Variants in RIN2 observed in about 807,000 individuals in gnomAD.
RIN2 encodes RAB5 interacting protein 2.
Under a neutral mutation model 78.0 loss-of-function variants are expected in RIN2, and 36 were observed. The ratio of observed to expected loss-of-function variants is 0.46; its 90% CI spans 0.35 to 0.61. RIN2 has a LOEUF of 0.61. Ranked by LOEUF, RIN2 falls within the 20% of genes least tolerant of loss-of-function variation. The probability of loss-of-function intolerance (pLI) is 0.00; values close to 1 mark genes in which losing one functional copy is unlikely to be tolerated. For missense variants in RIN2, 1,087 were observed against 1,159.7 expected, an observed-to-expected ratio of 0.94 and a Z score of 0.91; for synonymous variants, 466 against 466.8, an observed-to-expected ratio of 1.00 and a Z score of 0.02.
chr20:19,879,583 C>A (rs577478190), intron 2 of RIN2, among the ~76,000 whole-genome samples: 194 of 152,286 alleles, frequency 1.3e-3, no homozygotes, highest in African/African-American at 4.3e-3. Context: ...GGCTCTAATC[C>A]TACAACACAT....
At chr20:19,896,375 A>G (rs2038725494) in intron 3 of RIN2, among the ~76,000 whole-genome samples, 1 of 152,132 alleles carries the variant, frequency 6.6e-6, no homozygotes, top group Non-Finnish European at 1.5e-5. Context: ...TTTTTAGTAG[A>G]GGCGGGGTTT....
At chr20:19,834,963 GAGAGAA>G (rs1008357681) in intron 2 of RIN2, among the ~76,000 whole-genome samples, 10 of 149,174 alleles carry the variant, frequency 6.7e-5, no homozygotes, top group Admixed American at 2.0e-4. Context: ...GAGAGAGAGA[GAGAGAA>G]AGAAAGAAAG....
At chr20:19,983,541 C>CAA (rs11480055) in intron 9 of RIN2, among the ~76,000 whole-genome samples, 23 of 151,382 alleles carry the variant, frequency 1.5e-4, no homozygotes, top group African/African-American at 4.1e-4. Flanking sequence ...GACTTCCCTA[C>CAA]AAAAAAAAGG....
chr20:19,946,926 G>A (rs963376113), intron 4 of RIN2, among the ~76,000 whole-genome samples: 3 of 151,458 alleles, frequency 2.0e-5, no homozygotes, highest in Non-Finnish European at 4.4e-5. Flanking sequence ...AGCTACTCAG[G>A]AGGCTGAGGC....
At chr20:19,844,614 T>G (rs1353267761) in intron 2 of RIN2, among the ~76,000 whole-genome samples, 36 of 62,504 alleles carry the variant, frequency 5.8e-4, no homozygotes, top group African/African-American at 2.0e-3. Flanking sequence ...TTCTTCTTCT[T>G]CTTCTTCTTC....
Position 20,001,052 on chromosome 20 carries a change from G to A in RIN2, c.*116G>A. ...ACCTCCTCGGGGACCCCTCAGTGTA[G>A]TGACTAAGCCATCCACAGGCCAACT... On this transcript the variant is annotated 3_prime_UTR_variant, in exon 13 of 13. Transcript: ENST00000255006. The A allele has an allele frequency of 1.0e-6, 1 of 981,172 alleles. No individual in the cohort carries two copies. Among genetic ancestry groups the A allele is most frequent in the Non-Finnish European group, 1.5e-6 (1 of 682,096 alleles). The allele number at this position is 981,172 out of a possible 1,614,324, so 60.8% of individuals were successfully genotyped here.
At chr20:19,881,454 A>T (rs888562530) in intron 2 of RIN2, among the ~76,000 whole-genome samples, 1 of 152,258 alleles carries the variant, frequency 6.6e-6, no homozygotes, top group Non-Finnish European at 1.5e-5. Flanking sequence ...GCAAATTAGT[A>T]CATGAGATTC....
At position 19,975,751 on chromosome 20, in the gene RIN2, C is replaced by A. The variant is rs777337752; in HGVS notation, c.1726C>A (p.Pro576Thr). The A allele has an allele frequency of 2.5e-5, 40 of 1,612,254 alleles. No homozygotes were observed. The highest frequency in any genetic ancestry group is 1.7e-4 in the Middle Eastern group (1 of 6,058). ...NYLSQSSELD[P>T]PIESLIPEDQ... ...TTTGTCTCAGAGCTCGGAGCTGGAC[C>A]CCCCCATCGAGTCGCTGATCCCTGA... The change falls in exon 9 of 13, where the codon CCC becomes ACC. Residue 576 changes from proline (P) to threonine (T), a missense_variant. Physicochemically the swap from Pro to Thr is conservative, Grantham distance 38. This residue lies in a region of RIN2 where 39 missense variants were observed against 34.9 expected (regional missense o/e 1.12). Transcript: ENST00000255006. The surrounding 1 kb of genome is among the most constrained non-coding windows in gnomAD (Gnocchi z 4.9).
At chr20:19,997,169 G>T (rs1297247031) in intron 12 of RIN2, among the ~76,000 whole-genome samples, 1 of 152,178 alleles carries the variant, frequency 6.6e-6, no homozygotes, top group African/African-American at 2.4e-5. Flanking sequence ...GGAAACAGCC[G>T]CTGTGTTACG....
chr20:19,758,589 C>T (rs1289965706), intron 1 of RIN2, among the ~76,000 whole-genome samples: 1 of 152,120 alleles, frequency 6.6e-6, no homozygotes, highest in Admixed American at 6.5e-5. Context: ...CCGCTGGTCC[C>T]GGCAGGGTCA....
chr20:19,923,041 T>C lies in RIN2; in HGVS notation c.58-12058T>C, dbSNP rs146733494. Among the ~76,000 whole-genome samples, 79 of 152,318 alleles carry C rather than the reference T, an allele frequency of 5.2e-4. No individual in the cohort carries two copies. In the East Asian group the frequency reaches 0.013, roughly 25 times the overall value. ...AGGAAATTTAAGGGGTCAGATTATT[T>C]ACTCAAGGACACACTGCTTAGAGCA... is the stretch of plus-strand genomic sequence containing the variant. On this transcript the variant is annotated intron_variant, in intron 3 of 12. Coordinates refer to ENST00000255006, the MANE Select transcript of RIN2 (RefSeq NM_018993.4).
In RIN2 at chr20:19,990,364, C is replaced by G. The variant is rs901788034; in HGVS notation, c.2068+53C>G. 5 of 1,528,386 alleles carry G rather than the reference C, an allele frequency of 3.3e-6. No individual in the cohort carries two copies. In the African/African-American group the frequency reaches 4.1e-5, roughly 13 times the overall value. The allele number at this position is 1,528,386 out of a possible 1,614,324, so 94.7% of individuals were successfully genotyped here. On this transcript the variant is annotated intron_variant, in intron 10 of 12. Coordinates refer to ENST00000255006, the MANE Select transcript of RIN2 (RefSeq NM_018993.4). ...TGCCGCTTCCCTTCCGGGCCGGGGACAGGCCTCTCTCCTGTCAGGCTTTCT... is the reference window on the plus strand; with the variant it reads ...TGCCGCTTCCCTTCCGGGCCGGGGAGAGGCCTCTCTCCTGTCAGGCTTTCT...
chr20:19,779,981 G>T (rs1225763554), intron 1 of RIN2, among the ~76,000 whole-genome samples: 1 of 152,092 alleles, frequency 6.6e-6, no homozygotes, highest in Non-Finnish European at 1.5e-5. Flanking sequence ...TTTCCTTTCT[G>T]CTAGCACCTC....
chr20:19,925,097 GAAAAAA>G (rs11476905), intron 3 of RIN2, among the ~76,000 whole-genome samples: 1 of 133,502 alleles, frequency 7.5e-6, no homozygotes, highest in Non-Finnish European at 1.6e-5. Flanking sequence ...TAAATTTGTG[GAAAAAA>G]AAAAAAAAAA....
chr20:19,888,186 A>C (rs1434886759), intron 2 of RIN2, among the ~76,000 whole-genome samples: 1 of 152,208 alleles, frequency 6.6e-6, no homozygotes, highest in Non-Finnish European at 1.5e-5. Context: ...AGCACGGAGC[A>C]CTGACACAAA....
rs747985689 is a variant in RIN2 at position 19,974,996 on chromosome 20, G to A, written c.971G>A (p.Arg324Gln). ...ATTAATAGTCTCCACACAAGCCCTCGGCTGGCCAGGACTGAAACCCAGACG... is the reference window on the plus strand; with the variant it reads ...ATTAATAGTCTCCACACAAGCCCTCAGCTGGCCAGGACTGAAACCCAGACG... ...PAINSLHTSP[R>Q]LARTETQTSM... The change falls in exon 9 of 13, where the codon CGG (arginine) becomes CAG (glutamine). Residue 324 changes from arginine to glutamine, a missense_variant. Physicochemically the swap from Arg to Gln is conservative, Grantham distance 43. Transcript: ENST00000255006. The A allele has an allele frequency of 1.3e-6, 2 of 1,484,346 alleles. No individual in the cohort carries two copies. Among genetic ancestry groups the A allele is most frequent in the Non-Finnish European group, 1.8e-6 (2 of 1,104,374 alleles). 91.9% of individuals were successfully genotyped at this position (1,484,346 alleles called of 1,614,324 possible). A position where few individuals can be genotyped will look rare whatever the true frequency, so the allele number is the denominator to read the frequency against.
intron 1 of RIN2, among the ~76,000 whole-genome samples, chr20:19,793,875 A>T (rs2034965354): frequency 6.6e-6 from 1 of 152,160 alleles, no homozygotes; most frequent in Non-Finnish European, 1.5e-5. Context: ...CTAGATAGGG[A>T]AGTACAGGGA....
chr20:19,967,353 C>T (rs1384477702), intron 7 of RIN2, among the ~76,000 whole-genome samples: 2 of 152,200 alleles, frequency 1.3e-5, no homozygotes, highest in Non-Finnish European at 2.9e-5. Context: ...GTTTTTGTTT[C>T]TCTTTCTATG....
intron 2 of RIN2, among the ~76,000 whole-genome samples, chr20:19,819,638 C>A (rs1430958105): frequency 2.6e-5 from 4 of 152,186 alleles, no homozygotes; most frequent in East Asian, 3.9e-4. Context: ...CAAGTTCATG[C>A]CATCTTCCCA....
Sources: allele counts gnomAD v4.1 joint callset (sites outside exome capture counted in the v4.1 genomes callset), GRCh38; gene constraint gnomAD v4.1.1; regional missense constraint gnomAD v4.1.1; non-coding constraint Gnocchi (gnomAD v3.1); transcripts MANE v1.5; gene names NCBI Gene and HGNC (gene_info 2026-07-23, HGNC 2026-07-21).